The following PRTG variants were observed in gnomAD, a reference collection of about 807,000 sequenced individuals.
PRTG encodes the protein immunoglobulin superfamily, DCC subclass, member 5.
A neutral mutation model predicts 122.5 loss-of-function variants in PRTG; 67 were observed. That is an observed-to-expected ratio of 0.55 (90% CI 0.45 to 0.67). PRTG has a LOEUF of 0.67. Among genes scored for constraint, PRTG ranks in the 30% least tolerant of loss-of-function variants. The pLI, the probability that PRTG is intolerant of heterozygous loss-of-function variation, is 0.00. For synonymous variants in PRTG, 554 were observed against 501.1 expected (o/e 1.11, Z -1.41); for missense variants, 1,435 against 1,415.4 (o/e 1.01, Z -0.22).
intron 2 of PRTG, among the ~76,000 whole-genome samples, chr15:55,727,672 T>G (rs1336634769): frequency 6.6e-6 from 1 of 152,056 alleles, no homozygotes; most frequent in Non-Finnish European, 1.5e-5. Context: ...GGCATACACC[T>G]GTAGTCCCAG....
rs2059145301 is a variant in PRTG, at chr15:55,617,197, A to G, written c.*2815T>C. 1 of 136,484 alleles carries G rather than the reference A, an allele frequency of 7.3e-6. No individual in the cohort carries two copies. The highest frequency in any genetic ancestry group is 1.6e-5 in the Non-Finnish European group (1 of 63,902). The allele number at this position is 136,484 out of a possible 1,614,324, so 8.5% of individuals were successfully genotyped here. A position where few individuals can be genotyped will look rare whatever the true frequency, so the allele number is the denominator to read the frequency against. On this transcript the variant is annotated 3_prime_UTR_variant, in exon 20 of 20. Coordinates refer to ENST00000389286, the MANE Select transcript of PRTG (RefSeq NM_173814.6). ...TGCTGTATTACTAAATATCTTATTCAATGAGACCAAAGTATTTATTTTTGG... is the reference window on the plus strand; with the variant it reads ...TGCTGTATTACTAAATATCTTATTCGATGAGACCAAAGTATTTATTTTTGG...
At chr15:55,660,898 T>A (rs1249240145) in intron 11 of PRTG, among the ~76,000 whole-genome samples, 1 of 152,226 alleles carries the variant, frequency 6.6e-6, no homozygotes, top group Non-Finnish European at 1.5e-5. Flanking sequence ...TATCGTTATG[T>A]AATAAATTAC....
chr15:55,683,945 T>C lies in PRTG; in HGVS notation c.398-14A>G. The C allele has an allele frequency of 6.2e-7, 1 of 1,608,410 alleles. No individual in the cohort carries two copies. Among genetic ancestry groups the C allele is most frequent in the East Asian group, 2.2e-5 (1 of 44,730 alleles). Reference sequence around the variant, plus strand: ...ATGCAGAAATAGCTATAAGATAAAGTTTGAGAAATTCAGAATAAGTGCATG... The same window carrying C: ...ATGCAGAAATAGCTATAAGATAAAGCTTGAGAAATTCAGAATAAGTGCATG... On this transcript the variant is annotated splice_polypyrimidine_tract_variant and intron_variant, in intron 2 of 19. Coordinates refer to ENST00000389286, the MANE Select transcript of PRTG (RefSeq NM_173814.6).
intron 8 of PRTG, among the ~76,000 whole-genome samples, chr15:55,677,479 G>C (rs2141805800): frequency 6.6e-6 from 1 of 152,188 alleles, no homozygotes; most frequent in East Asian, 1.9e-4. Context: ...TTAAGTCTCA[G>C]TTAAGGAATT....
Position 55,673,383 on chromosome 15 carries a change from T to A in PRTG, c.1840A>T (p.Thr614Ser). 1.2e-6 allele frequency: 2 copies of A among 1,611,818 alleles called. No individual in the cohort carries two copies. Among genetic ancestry groups the A allele is most frequent in the Non-Finnish European group, 1.7e-6 (2 of 1,178,030 alleles). ...VWTSHRTPKA[T>S]SVKAPKSPEL... ...TTCAGAAATTCACCTTTCACGCTTG[T>A]AGCTTTGGGCGTCCTATGTGAAGTC... The change falls in exon 10 of 20, where the codon ACA becomes TCA. Residue 614 changes from threonine to serine, a missense_variant. Coordinates refer to ENST00000389286, the MANE Select transcript of PRTG (RefSeq NM_173814.6).
chr15:55,711,900 T>A (rs1439552029), intron 2 of PRTG, among the ~76,000 whole-genome samples: 6 of 152,216 alleles, frequency 3.9e-5, no homozygotes, highest in African/African-American at 1.4e-4. Context: ...GCCCCAATTT[T>A]AAAAAATTGC....
intron 2 of PRTG, among the ~76,000 whole-genome samples, chr15:55,730,642 T>C (rs1368717622): frequency 1.3e-5 from 2 of 151,692 alleles, no homozygotes; most frequent in African/African-American, 2.4e-5. Context: ...CTAGTAAAAA[T>C]ACAAAAAATC....
At chr15:55,734,068 G>A (rs1472439719) in intron 2 of PRTG, among the ~76,000 whole-genome samples, 1 of 152,200 alleles carries the variant, frequency 6.6e-6, no homozygotes, top group African/African-American at 2.4e-5. Flanking sequence ...CTGGAAGAGA[G>A]TCTATCGGTA....
At position 55,679,287 on chromosome 15, in the gene PRTG, T is replaced by A; in HGVS notation, c.1132A>T (p.Ser378Cys). The A allele has an allele frequency of 6.2e-7, 1 of 1,608,470 alleles. No individual in the cohort carries two copies. Among genetic ancestry groups the A allele is most frequent in the Non-Finnish European group, 8.5e-7 (1 of 1,175,254 alleles). Residue 378 changes from serine (S) to cysteine (C), a missense_variant and splice_region_variant, in exon 7 of 20, where the codon AGT becomes TGT. Coordinates refer to ENST00000389286, the MANE Select transcript of PRTG (RefSeq NM_173814.6). ...HSNGRIKMYN[S>C]KLVINQIIPE... ...TGGTAGCAAAGTTACACAGCCTACC[T>A]GTTGTACATTTTAATTCTACCATTC... is the stretch of plus-strand genomic sequence containing the variant.
chr15:55,720,343 C>T (rs1169358995), intron 2 of PRTG, among the ~76,000 whole-genome samples: 1 of 151,738 alleles, frequency 6.6e-6, no homozygotes, highest in African/African-American at 2.4e-5. Flanking sequence ...GGCAATGGGG[C>T]GAGACTCTAC....
At chr15:55,635,101 GTGTT>G (rs2059250500) in intron 15 of PRTG, among the ~76,000 whole-genome samples, 4 of 112,874 alleles carry the variant, frequency 3.5e-5, no homozygotes, top group Non-Finnish European at 3.5e-5. Flanking sequence ...GTGTGTGTGT[GTGTT>G]TTTTGAGACA....
Position 55,740,396 on chromosome 15 carries a change from T to C in PRTG, c.383A>G (p.His128Arg), listed in dbSNP as rs1425895268. 2 of 1,601,872 alleles carry C rather than the reference T, an allele frequency of 1.2e-6. No homozygotes were observed. The highest frequency in any genetic ancestry group is 1.7e-6 in the Non-Finnish European group (2 of 1,172,766). Reference protein sequence around the residue: ...KYGAILSQKAHLALSTISAFE... With the variant: ...KYGAILSQKARLALSTISAFE... ...TAAACACTTACTTGATAAGGCAAGA[T>C]GAGCTTTTTGACTAAGAATGGCTCC... is the stretch of plus-strand genomic sequence containing the variant. Residue 128 changes from histidine (H) to arginine (R), a missense_variant, in exon 2 of 20, where the codon CAT (histidine) becomes CGT (arginine). Coordinates refer to ENST00000389286, the MANE Select transcript of PRTG (RefSeq NM_173814.6).
intron 2 of PRTG, among the ~76,000 whole-genome samples, chr15:55,705,743 C>T (rs1411011690): frequency 6.6e-6 from 1 of 151,964 alleles, no homozygotes; most frequent in Non-Finnish European, 1.5e-5. Context: ...GCTCAGTCTC[C>T]TACCTATTTC....
At chr15:55,715,269 T>C (rs193191245) in intron 2 of PRTG, among the ~76,000 whole-genome samples, 1 of 152,282 alleles carries the variant, frequency 6.6e-6, no homozygotes, top group Admixed American at 6.5e-5. Flanking sequence ...ACAAAACCCT[T>C]AAAAAGTAAA....
intron 11 of PRTG, among the ~76,000 whole-genome samples, chr15:55,665,217 G>T (rs1039450749): frequency 6.6e-6 from 1 of 151,906 alleles, no homozygotes; most frequent in African/African-American, 2.4e-5. Flanking sequence ...CCGAGATCGC[G>T]CCCCTGCACT....
In PRTG at chr15:55,742,964, G is replaced by A; in HGVS notation, c.-33C>T. The A allele has an allele frequency of 1.4e-6, 2 of 1,465,234 alleles. No individual in the cohort carries two copies. The highest frequency in any genetic ancestry group is 1.8e-6 in the Non-Finnish European group (2 of 1,109,998). The allele number at this position is 1,465,234 out of a possible 1,614,324, so 90.8% of individuals were successfully genotyped here. On this transcript the variant is annotated 5_prime_UTR_variant, in exon 1 of 20. Coordinates refer to ENST00000389286, the MANE Select transcript of PRTG (RefSeq NM_173814.6). ...AGCCGCGCGGGCATGCTCCCCGGCC[G>A]CCCAGAGCCCCTGTCCGTCTGCGGC...
At position 55,682,504 on chromosome 15, in the gene PRTG, T is replaced by C. The variant is rs749623454; in HGVS notation, c.543-7A>G. ...TGTTGGTAGGGCAGTTATCCTGTTA[T>C]GAGAGAAAGATAATTAAACTTTTTG... On this transcript the variant is annotated splice_polypyrimidine_tract_variant and splice_region_variant and intron_variant, in intron 3 of 19. Transcript: ENST00000389286. 13 of 1,437,172 alleles carry C rather than the reference T, an allele frequency of 9.0e-6. No homozygotes were observed. Among genetic ancestry groups the C allele is most frequent in the Non-Finnish European group, 1.1e-5 (12 of 1,083,976 alleles). 89.0% of individuals were successfully genotyped at this position (1,437,172 alleles called of 1,614,324 possible). A position where few individuals can be genotyped will look rare whatever the true frequency, so the allele number is the denominator to read the frequency against.
rs150019178 is a variant in PRTG, at chr15:55,644,908, TTA to T, written c.2042-3702_2042-3701del. Among the ~76,000 whole-genome samples the T allele has an allele frequency of 4.3e-3, 656 of 152,266 alleles. 3 individuals carry two copies. The highest frequency in any genetic ancestry group is 0.015 in the African/African-American group (609 of 41,560). ...ACATTTTTCATAAGTGAACTACTCT[TTA>T]TGTTGTCCTGTGAACCATTTTTAAA... is the stretch of plus-strand genomic sequence containing the variant. On this transcript the variant is annotated intron_variant, in intron 11 of 19. Coordinates refer to ENST00000389286, the MANE Select transcript of PRTG (RefSeq NM_173814.6).
chr15:55,702,089 TTAAAAA>T (rs1455723861), intron 2 of PRTG, among the ~76,000 whole-genome samples: 1 of 152,162 alleles, frequency 6.6e-6, no homozygotes, highest in Non-Finnish European at 1.5e-5. Context: ...TATGTAAACT[TTAAAAA>T]TAAATTTCAA....
Sources: allele counts gnomAD v4.1 joint callset (sites outside exome capture counted in the v4.1 genomes callset), GRCh38; gene constraint gnomAD v4.1.1; transcripts MANE v1.5; gene names NCBI Gene and HGNC (gene_info 2026-07-23, HGNC 2026-07-21).